Variants in GALNTL6 observed in about 807,000 individuals in gnomAD.
The protein encoded by GALNTL6 is polypeptide N-acetylgalactosaminyltransferase like 6, also known as polypeptide N-acetylgalactosaminyltransferase-like 6.
A neutral mutation model predicts 73.7 loss-of-function variants in GALNTL6; 46 were observed. The ratio of observed to expected loss-of-function variants is 0.62; its 90% CI spans 0.49 to 0.80. The LOEUF (loss-of-function observed/expected upper bound fraction) is 0.80. Among genes scored for constraint, GALNTL6 ranks in the 30% least tolerant of loss-of-function variants. GALNTL6 has a pLI of 0.00. For synonymous variants in GALNTL6, 259 were observed against 263.7 expected, an observed-to-expected ratio of 0.98 and a Z score of 0.17; for missense variants, 604 against 755.0, an observed-to-expected ratio of 0.80 and a Z score of 2.34.
At chr4:172,870,777 A>G (rs986333880) in intron 7 of GALNTL6, among the ~76,000 whole-genome samples, 11 of 152,224 alleles carry the variant, frequency 7.2e-5, no homozygotes, top group African/African-American at 2.7e-4. Context: ...CAAGTACATG[A>G]TAAATTCATT....
intron 7 of GALNTL6, among the ~76,000 whole-genome samples, chr4:172,858,194 TTC>T (rs1425059802): frequency 6.6e-6 from 1 of 152,178 alleles, no homozygotes; most frequent in Non-Finnish European, 1.5e-5. Flanking sequence ...GAAACAACAC[TTC>T]TCAATTTTAA....
intron 7 of GALNTL6, among the ~76,000 whole-genome samples, chr4:172,829,809 A>G (rs1429962868): frequency 6.6e-6 from 1 of 152,224 alleles, no homozygotes; most frequent in Non-Finnish European, 1.5e-5. Context: ...TCTTGGTCTG[A>G]TGAATACTTT....
chr4:172,233,040 A>G (rs574052027), intron 3 of GALNTL6, among the ~76,000 whole-genome samples: 1 of 152,266 alleles, frequency 6.6e-6, no homozygotes, highest in South Asian at 2.1e-4. Context: ...TTTAAAAGAT[A>G]GGTCATACTG....
Position 172,649,994 on chromosome 4 carries a change from A to T in GALNTL6, c.554-159367A>T, listed in dbSNP as rs553724651. Among the ~76,000 whole-genome samples the T allele has an allele frequency of 3.3e-5, 5 of 152,294 alleles. No homozygotes were observed. In the South Asian group the frequency reaches 1.0e-3, roughly 32 times the overall value. On this transcript the variant is annotated intron_variant, in intron 5 of 12. Coordinates refer to ENST00000506823, the MANE Select transcript of GALNTL6 (RefSeq NM_001034845.3). ...ATTTCTAGAAAATTTGTGTTTTATT[A>T]AGCATCCTAGGTACAGAGGTATTCA... is the stretch of plus-strand genomic sequence containing the variant.
intron 2 of GALNTL6, among the ~76,000 whole-genome samples, chr4:171,933,585 T>A (rs752917074): frequency 1.3e-5 from 2 of 151,918 alleles, no homozygotes; most frequent in Non-Finnish European, 2.9e-5. Flanking sequence ...TATTAGGGAT[T>A]TATTTAGACT....
chr4:172,339,257 C>CCACACACACACTCTCA (rs1554015246), intron 4 of GALNTL6, among the ~76,000 whole-genome samples: 1 of 120,952 alleles, frequency 8.3e-6, no homozygotes, highest in Non-Finnish European at 1.7e-5. Flanking sequence ...CACACACACA[C>CCACACACACACTCTCA]CACACACACA....
intron 7 of GALNTL6, among the ~76,000 whole-genome samples, chr4:172,860,223 A>G (rs1489722009): frequency 6.6e-6 from 1 of 152,198 alleles, no homozygotes; most frequent in East Asian, 1.9e-4. Context: ...ATTGTAACCA[A>G]TTTGAGGACA....
chr4:172,574,868 T>C (rs192078564), intron 5 of GALNTL6, among the ~76,000 whole-genome samples: 1 of 152,074 alleles, frequency 6.6e-6, no homozygotes, highest in East Asian at 1.9e-4. Flanking sequence ...TTCCAACAAA[T>C]AAGATATATT....
chr4:172,443,727 G>T (rs1302722394), intron 5 of GALNTL6, among the ~76,000 whole-genome samples: 1 of 152,050 alleles, frequency 6.6e-6, no homozygotes, highest in Non-Finnish European at 1.5e-5. Flanking sequence ...TTTTAGTATT[G>T]GGGGAAATAA....
At chr4:172,722,487 A>G (rs1366018268) in intron 5 of GALNTL6, among the ~76,000 whole-genome samples, 1 of 152,088 alleles carries the variant, frequency 6.6e-6, no homozygotes, top group Non-Finnish European at 1.5e-5. Flanking sequence ...CACTTTCATA[A>G]AATAGCTTGA....
At chr4:172,608,390 C>G (rs759728844) in intron 5 of GALNTL6, among the ~76,000 whole-genome samples, 1 of 152,116 alleles carries the variant, frequency 6.6e-6, no homozygotes, top group Non-Finnish European at 1.5e-5. Flanking sequence ...ATAGAGAATT[C>G]TTTTCCCATT....
chr4:172,202,821 A>G (rs559860400), intron 2 of GALNTL6, among the ~76,000 whole-genome samples: 1 of 152,368 alleles, frequency 6.6e-6, no homozygotes, highest in Non-Finnish European at 1.5e-5. Context: ...TATATTGTAA[A>G]CACATTTTCA....
At chr4:173,021,716 T>C in intron 12 of GALNTL6, 91 bp downstream of exon 12, 1 of 1,355,702 alleles carries the variant, frequency 7.4e-7, no homozygotes, top group Non-Finnish European at 1.0e-6. Flanking sequence ...GTTTTAGGCC[T>C]GGCGCAGTCA....
intron 5 of GALNTL6, among the ~76,000 whole-genome samples, chr4:172,695,718 C>T (rs916654650): frequency 6.6e-5 from 10 of 152,030 alleles, no homozygotes; most frequent in South Asian, 6.2e-4. Context: ...GAGGCCGAGG[C>T]GGGCGGATCA....
intron 5 of GALNTL6, among the ~76,000 whole-genome samples, chr4:172,614,275 T>C (rs1738635892): frequency 2.0e-5 from 3 of 152,138 alleles, no homozygotes; most frequent in African/African-American, 4.8e-5. Flanking sequence ...AAATTGTCTC[T>C]CTATTTCACA....
intron 5 of GALNTL6, among the ~76,000 whole-genome samples, chr4:172,357,645 A>G (rs1742209202): frequency 3.0e-5 from 1 of 33,326 alleles, no homozygotes; most frequent in Admixed American, 5.1e-4. Flanking sequence ...ACACACACAC[A>G]CACACACACA....
chr4:172,960,272 A>G (rs1422300617), intron 10 of GALNTL6, among the ~76,000 whole-genome samples: 2 of 152,198 alleles, frequency 1.3e-5, no homozygotes, highest in Non-Finnish European at 2.9e-5. Flanking sequence ...AAGAAAAAGG[A>G]GCATTAACCT....
intron 5 of GALNTL6, among the ~76,000 whole-genome samples, chr4:172,641,359 C>T (rs1472996813): frequency 6.6e-6 from 1 of 152,080 alleles, no homozygotes; most frequent in Non-Finnish European, 1.5e-5. Context: ...AATTACAAGG[C>T]CCTGCCAGTT....
chr4:172,928,025 A>G (rs1561038601), intron 8 of GALNTL6, among the ~76,000 whole-genome samples: 1 of 152,208 alleles, frequency 6.6e-6, no homozygotes, highest in Non-Finnish European at 1.5e-5. Flanking sequence ...TTATCTTAGA[A>G]TCACTGAAAG....
Sources: allele counts gnomAD v4.1 joint callset (sites outside exome capture counted in the v4.1 genomes callset), GRCh38; gene constraint gnomAD v4.1.1; transcripts MANE v1.5; gene names NCBI Gene and HGNC (gene_info 2026-07-23, HGNC 2026-07-21).